The following ULK4 variants were observed in gnomAD, a reference collection of about 807,000 sequenced individuals.
ULK4 encodes unc-51 like kinase 4, also known as inactive serine/threonine-protein kinase ULK4.
In ULK4, 133 loss-of-function variants were observed where a neutral mutation model predicts 160.6. The ratio of observed to expected loss-of-function variants is 0.83; its 90% CI spans 0.72 to 0.96. ULK4 has a LOEUF of 0.96. ULK4 is among the 40% of genes least tolerant of loss of function. The probability of loss-of-function intolerance (pLI) is 0.00; values close to 1 mark genes in which losing one functional copy is unlikely to be tolerated. For missense variants in ULK4, 1,580 were observed against 1,499.5 expected (o/e 1.05, Z -0.89); for synonymous variants, 534 against 539.8 (o/e 0.99, Z 0.15).
chr3:41,341,674 C>A (rs144508084), intron 35 of ULK4, among the ~76,000 whole-genome samples: 135 of 152,256 alleles, frequency 8.9e-4, no homozygotes, highest in African/African-American at 3.2e-3. Context: ...GGGGCTGCAG[C>A]CTGCAATCAA....
At chr3:41,588,665 C>CTTATTTTATTTTATTATTTA (rs2031015033) in intron 31 of ULK4, among the ~76,000 whole-genome samples, 1 of 152,030 alleles carries the variant, frequency 6.6e-6, no homozygotes, top group African/African-American at 2.4e-5. Flanking sequence ...ATGCATAAAG[C>CTTATTTTATTTTATTATTTA]TTATTTTATA....
intron 30 of ULK4, among the ~76,000 whole-genome samples, chr3:41,629,868 G>T (rs1172449153): frequency 6.6e-6 from 1 of 152,066 alleles, no homozygotes; most frequent in Non-Finnish European, 1.5e-5. Context: ...ATAGTGGTGG[G>T]TGCCTGTAAT....
chr3:41,443,762 AT>A (rs1308999706), intron 34 of ULK4, among the ~76,000 whole-genome samples: 3 of 151,614 alleles, frequency 2.0e-5, no homozygotes, highest in Non-Finnish European at 4.4e-5. Context: ...CAATAAATAT[AT>A]TTTTCAATTA....
At chr3:41,732,920 A>C (rs1233282235) in intron 22 of ULK4, among the ~76,000 whole-genome samples, 1 of 152,150 alleles carries the variant, frequency 6.6e-6, no homozygotes, top group East Asian at 1.9e-4. Flanking sequence ...ATAGAAATAG[A>C]GAAGAGAATA....
intron 30 of ULK4, among the ~76,000 whole-genome samples, chr3:41,648,127 C>T (rs1378939922): frequency 6.6e-6 from 1 of 152,188 alleles, no homozygotes; most frequent in Non-Finnish European, 1.5e-5. Flanking sequence ...GGAGAGGGAA[C>T]TCCCTGACCC....
intron 30 of ULK4, among the ~76,000 whole-genome samples, chr3:41,652,720 C>A (rs534374270): frequency 1.3e-5 from 2 of 152,210 alleles, no homozygotes; most frequent in Admixed American, 6.5e-5. Context: ...TTTTTATCCA[C>A]ATGACACTGA....
At chr3:41,457,501 T>TAG (rs1298215955) in intron 33 of ULK4, among the ~76,000 whole-genome samples, 1 of 152,052 alleles carries the variant, frequency 6.6e-6, no homozygotes, top group Non-Finnish European at 1.5e-5. Flanking sequence ...AGAAAGACAT[T>TAG]AGAAATTCCA....
intron 21 of ULK4, among the ~76,000 whole-genome samples, chr3:41,768,832 G>C (rs551681441): frequency 4.7e-4 from 71 of 152,242 alleles, no homozygotes; most frequent in Middle Eastern, 3.4e-3. Context: ...CACAGCAATA[G>C]ACATAATTTG....
chr3:41,763,490 G>A (rs1374694222), intron 21 of ULK4, among the ~76,000 whole-genome samples: 1 of 152,158 alleles, frequency 6.6e-6, no homozygotes, highest in African/African-American at 2.4e-5. Context: ...TACCATTGCT[G>A]GCTTCCATAT....
intron 32 of ULK4, among the ~76,000 whole-genome samples, chr3:41,508,256 C>A (rs2085460918): frequency 6.6e-6 from 1 of 152,102 alleles, no homozygotes; most frequent in South Asian, 2.1e-4. Context: ...AACCACACCC[C>A]CACCCCTCAC....
At chr3:41,578,260 T>G (rs1559409082) in intron 31 of ULK4, among the ~76,000 whole-genome samples, 3 of 152,180 alleles carry the variant, frequency 2.0e-5, no homozygotes, top group Non-Finnish European at 4.4e-5. Flanking sequence ...TGTTTAAAAA[T>G]CAGCAGCAAA....
chr3:41,918,324 A>G (rs1699044087), intron 7 of ULK4, 133 bp downstream of exon 7: 7 of 538,600 alleles, frequency 1.3e-5, no homozygotes, highest in Non-Finnish European at 1.6e-5. Context: ...CATTTCTAAA[A>G]ATATCAACTT....
intron 34 of ULK4, among the ~76,000 whole-genome samples, chr3:41,411,303 T>C (rs2125827354): frequency 6.6e-6 from 1 of 152,294 alleles, no homozygotes; most frequent in South Asian, 2.1e-4. Flanking sequence ...CACATACCTT[T>C]GGTCTGATAA....
chr3:41,731,678 A>T (rs1482253734), intron 22 of ULK4, among the ~76,000 whole-genome samples: 2 of 115,588 alleles, frequency 1.7e-5, no homozygotes, highest in African/African-American at 1.7e-4. Flanking sequence ...TTTTGGGGGA[A>T]AAAAAAAAAA....
At chr3:41,286,080 A>AG (rs1232973646) in intron 35 of ULK4, among the ~76,000 whole-genome samples, 5 of 152,220 alleles carry the variant, frequency 3.3e-5, no homozygotes, top group Non-Finnish European at 7.3e-5. Flanking sequence ...ATCTAGAGAA[A>AG]GAATATCTTT....
intron 31 of ULK4, among the ~76,000 whole-genome samples, chr3:41,581,694 G>C (rs181855477): frequency 1.3e-5 from 2 of 152,266 alleles, no homozygotes; most frequent in East Asian, 3.9e-4. Flanking sequence ...GAGCCATTTG[G>C]GAGTTTCCCA....
intron 34 of ULK4, among the ~76,000 whole-genome samples, chr3:41,445,652 G>T (rs62259308): frequency 6.6e-6 from 1 of 152,032 alleles, no homozygotes; most frequent in Non-Finnish European, 1.5e-5. Context: ...AAATGGTGCT[G>T]GGGAAACTGG....
rs908128251 is a variant in ULK4, at chr3:41,246,647, C to G, written c.*282G>C. On this transcript the variant is annotated 3_prime_UTR_variant, in exon 37 of 37. Transcript: ENST00000301831. Reference sequence around the variant, plus strand: ...TTACCACAGGCAGTGCTAACCTTAGCCCACCTGGCCCACACAGAGAGGGAA... The same window carrying G: ...TTACCACAGGCAGTGCTAACCTTAGGCCACCTGGCCCACACAGAGAGGGAA... 2.5e-6 allele frequency: 1 copy of G among 398,580 alleles called. No individual in the cohort carries two copies. Among genetic ancestry groups the G allele is most frequent in the Admixed American group, 3.7e-5 (1 of 27,240 alleles). 24.7% of individuals were successfully genotyped at this position (398,580 alleles called of 1,614,324 possible). A position where few individuals can be genotyped will look rare whatever the true frequency, so the allele number is the denominator to read the frequency against.
intron 27 of ULK4, among the ~76,000 whole-genome samples, chr3:41,683,473 C>T (rs926858052): frequency 2.0e-5 from 3 of 151,648 alleles, no homozygotes; most frequent in African/African-American, 7.3e-5. Context: ...CCCTCCGTGA[C>T]TGATGGAAGG....
Sources: allele counts gnomAD v4.1 joint callset (sites outside exome capture counted in the v4.1 genomes callset), GRCh38; gene constraint gnomAD v4.1.1; transcripts MANE v1.5; gene names NCBI Gene and HGNC (gene_info 2026-07-23, HGNC 2026-07-21).